Variants in EPPK1 observed in about 807,000 individuals in gnomAD.
EPPK1 encodes the protein epiplakin.
For missense variants in EPPK1, 3,823 were observed against 3,673.3 expected, an observed-to-expected ratio of 1.04 and a Z score of -1.05; for synonymous variants, 1,862 against 1,721.2, an observed-to-expected ratio of 1.08 and a Z score of -2.03.
Position 143,869,222 on chromosome 8 carries a change from C to T in EPPK1, c.4032G>A (p.Lys1344=), listed in dbSNP as rs782231906. The T allele has an allele frequency of 2.5e-6, 4 of 1,610,982 alleles. No individual in the cohort carries two copies. The East Asian group carries it at 6.7e-5, about 27-fold the overall frequency. The change falls in exon 2 of 2, where the codon AAG becomes AAA. Residue 1344 remains lysine, a synonymous_variant. Coordinates refer to ENST00000615648, the MANE Select transcript of EPPK1 (RefSeq NM_031308.4). ...ASLSLWQAME[K]GLVPQNEGLP... ...AGCCCTCGTTCTGTGGCACGAGCCC[C>T]TTCTCCATGGCCTGCCACAGAGAGA...
rs967924628 is a variant in EPPK1, at chr8:143,872,732, G to A, written c.522C>T (p.Ala174=). The A allele has an allele frequency of 3.1e-6, 5 of 1,593,998 alleles. No homozygotes were observed. The highest frequency in any genetic ancestry group is 4.3e-6 in the Non-Finnish European group (5 of 1,168,432). The change falls in exon 2 of 2, where the codon GCC becomes GCT. Residue 174 remains alanine (A), a synonymous_variant. Coordinates refer to ENST00000615648, the MANE Select transcript of EPPK1 (RefSeq NM_031308.4). ...CCCGGTCCAGGAGGCCCTGGTGGCA[G>A]GCTGGCTCAGGGGCCACGAGCACTC... is the stretch of plus-strand genomic sequence containing the variant. ...AQGVLVAPEP[A]CHQGLLDRET...
Position 143,871,291 on chromosome 8 carries a change from C to G in EPPK1, c.1963G>C (p.Asp655His). The change falls in exon 2 of 2, where the codon GAC (aspartate) becomes CAC (histidine). Residue 655 changes from aspartate to histidine, a missense_variant. By Grantham distance (81) the Asp-to-His change is moderately conservative (BLOSUM62 -1). Transcript: ENST00000615648. ...GAGTGCCCCTTGTTTGCTTTTGGGT[C>G]GATGATGAAGCCTGTGGCAGCTTGT... is the stretch of plus-strand genomic sequence containing the variant. ...EAQAATGFIIDPKANKGHSVE... is the reference protein window; with the variant it reads ...EAQAATGFIIHPKANKGHSVE... 1.2e-6 allele frequency: 2 copies of G among 1,612,554 alleles called. No individual in the cohort carries two copies. The highest frequency in any genetic ancestry group is 8.5e-7 in the Non-Finnish European group (1 of 1,179,712).
Position 143,870,926 on chromosome 8 carries a change from G to A in EPPK1, c.2328C>T (p.Leu776=). The A allele has an allele frequency of 6.2e-7, 1 of 1,613,516 alleles. No homozygotes were observed. The highest frequency in any genetic ancestry group is 8.5e-7 in the Non-Finnish European group (1 of 1,180,026). ...GFFDPNTHEN[L]TYLQLLERCV... ...AGCGCTCCAGAAGCTGCAGGTACGTGAGGTTCTCGTGCGTGTTGGGGTCGA... is the reference window on the plus strand; with the variant it reads ...AGCGCTCCAGAAGCTGCAGGTACGTAAGGTTCTCGTGCGTGTTGGGGTCGA... The change falls in exon 2 of 2, where the codon CTC becomes CTT. Residue 776 remains leucine, a synonymous_variant. Coordinates refer to ENST00000615648, the MANE Select transcript of EPPK1 (RefSeq NM_031308.4). The surrounding 1 kb of genome is among the most constrained non-coding windows in gnomAD (Gnocchi z 5.2).
rs541551993 is a variant in EPPK1, at chr8:143,867,806, C to T, written c.5448G>A (p.Glu1816=). Residue 1816 remains glutamate, a synonymous_variant, in exon 2 of 2, where the codon GAG becomes GAA. Transcript: ENST00000615648. ...TEDRKRELIQ[E]YGAQSGGLEK... ...CCAGGCCCCCACTCTGGGCTCCATA[C>T]TCCTGGATGAGCTCCCGCTTCCTGT... 1.9e-6 allele frequency: 3 copies of T among 1,613,660 alleles called. No individual in the cohort carries two copies.
At position 143,869,367 on chromosome 8, in the gene EPPK1, T is replaced by C. The variant is rs1819257079; in HGVS notation, c.3887A>G (p.Gln1296Arg). 3.1e-6 allele frequency: 5 copies of C among 1,611,004 alleles called. No individual in the cohort carries two copies. Among genetic ancestry groups the C allele is most frequent in the East Asian group, 2.2e-5 (1 of 44,862 alleles). The change falls in exon 2 of 2, where the codon CAG becomes CGG. Residue 1296 changes from glutamine to arginine, a missense_variant. By Grantham distance (43) the Gln-to-Arg change is conservative (BLOSUM62 1). Coordinates refer to ENST00000615648, the MANE Select transcript of EPPK1 (RefSeq NM_031308.4). ...AACCGCGTCCTCCACTGACAGTCTCTGGTTGTTCAGGGGGTCAACAAGGAA... is the reference window on the plus strand; with the variant it reads ...AACCGCGTCCTCCACTGACAGTCTCCGGTTGTTCAGGGGGTCAACAAGGAA... The part of the protein sequence containing the change: ...SGFLVDPLNN[Q>R]RLSVEDAVKV...
chr8:143,871,231 G>C lies in EPPK1; in HGVS notation c.2023C>G (p.Pro675Ala). The change falls in exon 2 of 2, where the codon CCT becomes GCT. Residue 675 changes from proline to alanine, a missense_variant. Pro to Ala is a conservative substitution (Grantham distance 27, BLOSUM62 -1). Coordinates refer to ENST00000615648, the MANE Select transcript of EPPK1 (RefSeq NM_031308.4). ...GACAGCAGCTTCGCGAACACATCAG[G>C]CCCAATGACAGCAGCCCTCAGTGCC... ...EEALRAAVIG[P>A]DVFAKLLSAE... The C allele has an allele frequency of 6.2e-7, 1 of 1,613,176 alleles. No homozygotes were observed. The highest frequency in any genetic ancestry group is 8.5e-7 in the Non-Finnish European group (1 of 1,180,008).
Position 143,866,349 on chromosome 8 carries a change from G to C in EPPK1, c.6905C>G (p.Ser2302Trp). 1.5e-6 allele frequency: 1 copy of C among 688,026 alleles called. No individual in the cohort carries two copies. The highest frequency in any genetic ancestry group is 2.3e-6 in the Non-Finnish European group (1 of 443,486). 42.6% of individuals were successfully genotyped at this position (688,026 alleles called of 1,614,324 possible). ...GTAGCCGGTGACGGCGCGCTCGGCC[G>C]ACAGCAGCTTCTCCTGGATCTCGCC... ...VGGEIQEKLL[S>W]AERAVTGYTD... The change falls in exon 2 of 2, where the codon TCG (serine) becomes TGG (tryptophan). Residue 2302 changes from serine to tryptophan, a missense_variant. Physicochemically the swap from Ser to Trp is radical, Grantham distance 177. Coordinates refer to ENST00000615648, the MANE Select transcript of EPPK1 (RefSeq NM_031308.4).
Position 143,870,125 on chromosome 8 carries a change from T to C in EPPK1, c.3129A>G (p.Gln1043=), listed in dbSNP as rs781904864. ...WEQAARLLEA[Q]VATGGIIDPT... Reference sequence around the variant, plus strand: ...GGTCAATGATCCCTCCTGTGGCCACTTGAGCCTCCAGGAGGCGGGCAGCTT... The same window carrying C: ...GGTCAATGATCCCTCCTGTGGCCACCTGAGCCTCCAGGAGGCGGGCAGCTT... Residue 1043 remains glutamine, a synonymous_variant, in exon 2 of 2, where the codon CAA becomes CAG. Transcript: ENST00000615648. The surrounding 1 kb of genome is among the most constrained non-coding windows in gnomAD (Gnocchi z 5.2). 9 of 1,611,402 alleles carry C rather than the reference T, an allele frequency of 5.6e-6. No individual in the cohort carries two copies. Among genetic ancestry groups the C allele is most frequent in the African/African-American group, 1.3e-5 (1 of 74,866 alleles).
At position 143,873,195 on chromosome 8, in the gene EPPK1, G is replaced by T; in HGVS notation, c.59C>A (p.Ala20Asp). 1 of 1,593,442 alleles carries T rather than the reference G, an allele frequency of 6.3e-7. No homozygotes were observed. Residue 20 changes from alanine to aspartate, a missense_variant, in exon 2 of 2, where the codon GCC becomes GAC. Ala to Asp is a moderately radical substitution (Grantham distance 126, BLOSUM62 -2). Transcript: ENST00000615648. ...PVPGTNSTEQ[A>D]SVPRAMAATL... ...GGCTGCCATGGCTCTGGGTACACTG[G>T]CCTGCTCTGTGCTGTTGGTGCCTGG...
rs782428957 is a variant in EPPK1 at position 143,867,966 on chromosome 8, C to A, written c.5288G>T (p.Gly1763Val). The part of the protein sequence containing the change: ...GLYLLQIIKK[G>V]ENYVYINEAT... The stretch of plus-strand genomic sequence containing the variant: ...CTCATTGATGTACACGTAGTTTTCT[C>A]CTTTCTTTATGATTTGTAGCAGGTA... The change falls in exon 2 of 2, where the codon GGA (glycine) becomes GTA (valine). Residue 1763 changes from glycine (G) to valine (V), a missense_variant. Transcript: ENST00000615648. 1 of 1,613,698 alleles carries A rather than the reference C, an allele frequency of 6.2e-7. No homozygotes were observed. Among genetic ancestry groups the A allele is most frequent in the Non-Finnish European group, 8.5e-7 (1 of 1,179,972 alleles).
Position 143,870,388 on chromosome 8 carries a change from C to T in EPPK1, c.2866G>A (p.Gly956Arg). Residue 956 changes from glycine to arginine, a missense_variant, in exon 2 of 2, where the codon GGG becomes AGG. Coordinates refer to ENST00000615648, the MANE Select transcript of EPPK1 (RefSeq NM_031308.4). This position sits in a 1 kb window ranked among gnomAD's most constrained non-coding sequence, Gnocchi z 5.2. ...LYQAMRQKLL[G>R]PRVALALLEA... is the part of the protein sequence containing the mutation. ...AGCAGGGCCAGGGCCACCCTGGGCC[C>T]CAGCAGCTTCTGCCTCATGGCCTGG... The T allele has an allele frequency of 6.4e-7, 1 of 1,574,500 alleles. No homozygotes were observed. The highest frequency in any genetic ancestry group is 1.4e-5 in the African/African-American group (1 of 73,964).
In EPPK1 at chr8:143,867,257, C is replaced by T. The variant is rs1020981879; in HGVS notation, c.5997G>A (p.Glu1999=). The T allele has an allele frequency of 6.2e-7, 1 of 1,612,412 alleles. No homozygotes were observed. Among genetic ancestry groups the T allele is most frequent in the African/African-American group, 1.3e-5 (1 of 74,904 alleles). Residue 1999 remains glutamate (E), a synonymous_variant, in exon 2 of 2, where the codon GAG becomes GAA. Transcript: ENST00000615648. The part of the protein sequence containing the change: ...LFQAMQKQLI[E]KAEALRLLEV... Reference sequence around the variant, plus strand: ...CCAGCAGCCTCAGTGCCTCCGCCTTCTCGATGAGCTGCTTCTGCATGGCCT... The same window carrying T: ...CCAGCAGCCTCAGTGCCTCCGCCTTTTCGATGAGCTGCTTCTGCATGGCCT...
chr8:143,872,042 C>T lies in EPPK1; in HGVS notation c.1212G>A (p.Leu404=), dbSNP rs1819370825. Residue 404 remains leucine, a synonymous_variant, in exon 2 of 2, where the codon CTG becomes CTA. Coordinates refer to ENST00000615648, the MANE Select transcript of EPPK1 (RefSeq NM_031308.4). ...LLDAQLATGG[L]VCPARRLRLP... is the part of the protein sequence containing the mutation. ...GCCGGAGCCTGCGTGCTGGACAGAC[C>T]AGCCCGCCTGTGGCCAGCTGGGCAT... The T allele has an allele frequency of 6.4e-7, 1 of 1,557,918 alleles. No individual in the cohort carries two copies. Among genetic ancestry groups the T allele is most frequent in the Non-Finnish European group, 8.7e-7 (1 of 1,152,502 alleles).
In EPPK1 at chr8:143,857,865, G is replaced by T; in HGVS notation, c.*122C>A. 3.0e-6 allele frequency: 2 copies of T among 671,574 alleles called. No homozygotes were observed. Among genetic ancestry groups the T allele is most frequent in the Non-Finnish European group, 4.3e-6 (2 of 461,618 alleles). 41.6% of individuals were successfully genotyped at this position (671,574 alleles called of 1,614,324 possible). ...ACTTAAAACGTTTTCCACAGATAAC[G>T]AATGGGTAAAACAACAAAATTAAAG... On this transcript the variant is annotated 3_prime_UTR_variant, in exon 2 of 2. Transcript: ENST00000615648.
In EPPK1 at chr8:143,869,705, T is replaced by G; in HGVS notation, c.3549A>C (p.Val1183=). The G allele has an allele frequency of 1.3e-6, 2 of 1,596,274 alleles. No individual in the cohort carries two copies. The highest frequency in any genetic ancestry group is 1.7e-6 in the Non-Finnish European group (2 of 1,172,476). ...CCTGGGCCAGGAGCTTGGTCTCCTG[T>G]ACCCACCTCTGCACAGAGGCTAGCA... ...PQLLASVQRW[V]QETKLLAQAR... Residue 1183 remains valine (V), a synonymous_variant, in exon 2 of 2, where the codon GTA becomes GTC. Transcript: ENST00000615648.
rs1036757233 is a variant in EPPK1 at position 143,867,177 on chromosome 8, G to A, written c.6077C>T (p.Pro2026Leu). 6.2e-7 allele frequency: 1 copy of A among 1,612,764 alleles called. No homozygotes were observed. Among genetic ancestry groups the A allele is most frequent in the South Asian group, 1.1e-5 (1 of 91,072 alleles). The change falls in exon 2 of 2, where the codon CCA (proline) becomes CTA (leucine). Residue 2026 changes from proline (P) to leucine (L), a missense_variant. Physicochemically the swap from Pro to Leu is moderately conservative, Grantham distance 98. Coordinates refer to ENST00000615648, the MANE Select transcript of EPPK1 (RefSeq NM_031308.4). ...VIDPQHHHRL[P>L]LETAYRRGCL... Reference sequence around the variant, plus strand: ...GCCCCGTCTGTAGGCTGTTTCCAGTGGGAGCCGGTGGTGGTGCTGTGGGTC... The same window carrying A: ...GCCCCGTCTGTAGGCTGTTTCCAGTAGGAGCCGGTGGTGGTGCTGTGGGTC...
intron 1 of EPPK1, among the ~76,000 whole-genome samples, chr8:143,877,593 G>GC (rs1280078562): frequency 6.6e-6 from 1 of 152,118 alleles, no homozygotes; most frequent in African/African-American, 2.4e-5. Context: ...TGCCCGGCAG[G>GC]CCCCCACCGC....
rs782131791 is a variant in EPPK1, at chr8:143,872,547, C to T, written c.707G>A (p.Arg236His). ...LALLPLKITF[R>H]SMGGAVSAAE... ...TGCACTCACCGCCCCGCCCATGGAGCGGAAGGTGATCTTGAGGGGCAGCAA... is the reference window on the plus strand; with the variant it reads ...TGCACTCACCGCCCCGCCCATGGAGTGGAAGGTGATCTTGAGGGGCAGCAA... The change falls in exon 2 of 2, where the codon CGC becomes CAC. Residue 236 changes from arginine to histidine, a missense_variant. Physicochemically the swap from Arg to His is conservative, Grantham distance 29. Coordinates refer to ENST00000615648, the MANE Select transcript of EPPK1 (RefSeq NM_031308.4). 3.2e-5 allele frequency: 52 copies of T among 1,604,888 alleles called. No homozygotes were observed. The highest frequency in any genetic ancestry group is 2.8e-4 in the South Asian group (25 of 90,438).
chr8:143,872,174 C>G lies in EPPK1; in HGVS notation c.1080G>C (p.Glu360Asp). The G allele has an allele frequency of 6.3e-7, 1 of 1,591,944 alleles. No individual in the cohort carries two copies. Among genetic ancestry groups the G allele is most frequent in the South Asian group, 1.1e-5 (1 of 87,966 alleles). The change falls in exon 2 of 2, where the codon GAG becomes GAC. Residue 360 changes from glutamate (E) to aspartate (D), a missense_variant. Transcript: ENST00000615648. ...GGTCGTGGTGCCCTGTCACGGCCTG[C>G]TCGGCCACCAGGAGCTGCTCATGGA... ...PELHEQLLVA[E>D]QAVTGHHDPF...
Sources: gnomAD v4.1 joint callset for allele counts (sites outside exome capture counted in the v4.1 genomes callset) on GRCh38, gnomAD v4.1.1 for gene constraint, Gnocchi (gnomAD v3.1) non-coding constraint, MANE v1.5 for transcripts, NCBI Gene and HGNC (gene_info 2026-07-23, HGNC 2026-07-21) for gene names.